SNORC: variants seen among roughly 807,000 people sequenced by gnomAD.
The protein encoded by SNORC is protein SNORC.
A neutral mutation model predicts 9.7 loss-of-function variants in SNORC; 11 were observed. The ratio of observed to expected loss-of-function variants is 1.14; its 90% CI spans 0.72 to 1.88. The LOEUF is 1.88. Among genes scored for constraint, SNORC ranks in the 40% most tolerant of loss-of-function variants. SNORC has a pLI of 0.00. For missense variants in SNORC, 197 were observed against 173.1 expected (o/e 1.14, Z -0.77); for synonymous variants, 108 against 88.7 (o/e 1.22, Z -1.22).
At chr2:232,872,152 C>T (rs1052374906) in intron 1 of SNORC, among the ~76,000 whole-genome samples, 1 of 150,532 alleles carries the variant, frequency 6.6e-6, no homozygotes, top group Non-Finnish European at 1.5e-5. Flanking sequence ...GCTGGGAGCT[C>T]TGGACAGGTG....
chr2:232,870,385 C>A, exon 1 of SNORC: 1 of 1,572,416 alleles, frequency 6.4e-7, no homozygotes, highest in East Asian at 2.3e-5. Context: ...CTGCTGGTCT[C>A]CGGGGTTCTG....
At chr2:232,877,324 G>T (rs931943108), downstream of SNORC, 2 of 985,436 alleles carry the variant, frequency 2.0e-6, no homozygotes, top group Admixed American at 1.2e-4. Flanking sequence ...GAGGAGCCTG[G>T]TCCAGGGTCC....
intron 1 of SNORC, among the ~76,000 whole-genome samples, chr2:232,874,710 G>C (rs1373242377): frequency 6.6e-6 from 1 of 152,252 alleles, no homozygotes; most frequent in African/African-American, 2.4e-5. Flanking sequence ...TCTTGCCCCA[G>C]CGCTCAGGGA....
downstream of SNORC, chr2:232,876,399 G>A: frequency 6.6e-7 from 1 of 1,505,822 alleles, no homozygotes; most frequent in Admixed American, 2.2e-5. The surrounding 1 kb of genome is among the most constrained non-coding windows in gnomAD (Gnocchi z 6.8). Context: ...CGACTCGGCT[G>A]CACTCCTCAC....
chr2:232,876,561 A>AGGGGCGCC (rs1169999817), downstream of SNORC: 1 of 1,173,154 alleles, frequency 8.5e-7, no homozygotes, highest in Non-Finnish European at 1.0e-6. The surrounding 1 kb of genome is among the most constrained non-coding windows in gnomAD (Gnocchi z 6.8). Context: ...AATTCCCCGC[A>AGGGGCGCC]GGGGCGCCGG....
At chr2:232,869,386 C>G (rs180833365), upstream of SNORC, among the ~76,000 whole-genome samples, 86 of 152,246 alleles carry the variant, frequency 5.6e-4, no homozygotes, top group Non-Finnish European at 1.0e-3. Context: ...GGGAAACCAT[C>G]AAGGTGTGAA....
chr2:232,876,455 A>T, downstream of SNORC: 5 of 1,386,932 alleles, frequency 3.6e-6, no homozygotes, highest in Non-Finnish European at 4.6e-6. The surrounding 1 kb of genome is among the most constrained non-coding windows in gnomAD (Gnocchi z 6.8). Context: ...CAGGTGTGCC[A>T]GAGCGTGAGC....
rs111545623 is a variant in SNORC, at chr2:232,872,668, C to T, written c.73+2254C>T. Among the ~76,000 whole-genome samples the T allele has an allele frequency of 5.7e-3, 874 of 152,324 alleles. 3 individuals are homozygous for T. The highest frequency in any genetic ancestry group is 0.02 in the African/African-American group (834 of 41,570). On this transcript the variant is annotated intron_variant, in intron 1 of 2. Transcript: ENST00000331342. ...GTCACCCTGGCCTATTCACTGTCCG[C>T]CTGGCACGCCGTGAGTTCCGTCCTC... is the stretch of plus-strand genomic sequence containing the variant.
downstream of SNORC, chr2:232,876,449 T>A (rs1233926822): frequency 7.1e-7 from 1 of 1,409,610 alleles, no homozygotes; most frequent in Non-Finnish European, 9.2e-7. The surrounding 1 kb of genome is among the most constrained non-coding windows in gnomAD (Gnocchi z 6.8). Context: ...CGCATGCAGG[T>A]GTGCCAGAGC....
At chr2:232,868,150 CTTT>C (rs35855568), upstream of SNORC, among the ~76,000 whole-genome samples, 17 of 130,000 alleles carry the variant, frequency 1.3e-4, no homozygotes, top group Admixed American at 3.1e-4. Flanking sequence ...GTCATTTCAT[CTTT>C]TTTTTTTTTT....
upstream of SNORC, among the ~76,000 whole-genome samples, chr2:232,867,519 A>G (rs908131256): frequency 6.6e-6 from 1 of 152,212 alleles, no homozygotes; most frequent in Non-Finnish European, 1.5e-5. Context: ...TACCTTTAGC[A>G]TGGTTATAAT....
chr2:232,876,706 C>G (rs1295119340), downstream of SNORC: 1 of 989,820 alleles, frequency 1.0e-6, no homozygotes, highest in Admixed American at 6.1e-5. The surrounding 1 kb of genome is among the most constrained non-coding windows in gnomAD (Gnocchi z 6.8). Context: ...TGTGCGTGCC[C>G]GGTGCGCGTG....
Position 232,871,085 on chromosome 2 carries a change from C to T in SNORC, c.73+671C>T, listed in dbSNP as rs554432039. Among the ~76,000 whole-genome samples the T allele has an allele frequency of 7.9e-5, 12 of 152,320 alleles. No homozygotes were observed. The South Asian group carries it at 2.1e-3, about 26-fold the overall frequency. On this transcript the variant is annotated intron_variant, in intron 1 of 2. Transcript: ENST00000331342. The stretch of plus-strand genomic sequence containing the variant: ...AGAGACAAAGGGCGCAGACGGGTTA[C>T]AGGTGGTCTTTGCTCCTTTTGGCCG...
chr2:232,867,851 C>T (rs1402110588), upstream of SNORC, among the ~76,000 whole-genome samples: 2 of 152,236 alleles, frequency 1.3e-5, no homozygotes, highest in Admixed American at 1.3e-4. Context: ...AAATGCATCT[C>T]CTTTCCGCCA....
intron 1 of SNORC, among the ~76,000 whole-genome samples, chr2:232,872,085 C>T (rs975851463): frequency 3.3e-5 from 5 of 152,200 alleles, no homozygotes; most frequent in Admixed American, 1.3e-4. Flanking sequence ...TTCCCAACCC[C>T]GGAGTCTCTG....
downstream of SNORC, chr2:232,876,476 G>C (rs1691249767): frequency 7.4e-7 from 1 of 1,357,008 alleles, no homozygotes; most frequent in African/African-American, 1.5e-5. The surrounding 1 kb of genome is among the most constrained non-coding windows in gnomAD (Gnocchi z 6.8). Context: ...GCGCGCAGGC[G>C]AGCGCTCAGG....
At chr2:232,870,488 T>TC in intron 1 of SNORC, 74 bp downstream of exon 1, 1 of 1,397,938 alleles carries the variant, frequency 7.2e-7, no homozygotes, top group Non-Finnish European at 9.9e-7. Flanking sequence ...GCCAGATTCT[T>TC]CAACGTTCAC....
upstream of SNORC, among the ~76,000 whole-genome samples, chr2:232,866,763 G>C (rs2106183992): frequency 6.6e-6 from 1 of 152,228 alleles, no homozygotes; most frequent in Non-Finnish European, 1.5e-5. Context: ...ACCCAGGCTG[G>C]AGTGCAGTGG....
downstream of SNORC, chr2:232,876,788 G>A: frequency 1.0e-6 from 1 of 985,318 alleles, no homozygotes; most frequent in Non-Finnish European, 1.2e-6. The surrounding 1 kb of genome is among the most constrained non-coding windows in gnomAD (Gnocchi z 6.8). Context: ...CACCGTCACG[G>A]TCAGGGCCAC....
Sources: allele counts gnomAD v4.1 joint callset (sites outside exome capture counted in the v4.1 genomes callset), GRCh38; gene constraint gnomAD v4.1.1; non-coding constraint Gnocchi (gnomAD v3.1); transcripts MANE v1.5; gene names NCBI Gene and HGNC (gene_info 2026-07-23, HGNC 2026-07-21).